Variants in NAAA observed in about 807,000 individuals in gnomAD.
NAAA encodes the protein N-acylethanolamine-hydrolyzing acid amidase.
A neutral mutation model predicts 44.8 loss-of-function variants in NAAA; 39 were observed. That is an observed-to-expected ratio of 0.87 (90% CI 0.67 to 1.14). The LOEUF is 1.14. Ranked by LOEUF, NAAA falls within the 50% of genes most tolerant of loss-of-function variation. The pLI is 0.00. For missense variants in NAAA, 460 were observed against 467.8 expected, an observed-to-expected ratio of 0.98 and a Z score of 0.15; for synonymous variants, 178 against 191.3, an observed-to-expected ratio of 0.93 and a Z score of 0.58.
chr4:75,930,326 C>A, intron 4 of NAAA: 1 of 363,742 alleles, frequency 2.7e-6, no homozygotes. Context: ...GTGGGGATGT[C>A]AATGAACAGA....
rs1201070492 is a variant in NAAA, at chr4:75,940,005, A to G, written c.367T>C (p.Ser123Pro). 6.2e-7 allele frequency: 1 copy of G among 1,613,698 alleles called. No individual in the cohort carries two copies. Among genetic ancestry groups the G allele is most frequent in the Non-Finnish European group, 8.5e-7 (1 of 1,179,950 alleles). The change falls in exon 2 of 11, where the codon TCC (serine) becomes CCC (proline). Residue 123 changes from serine (S) to proline (P), a missense_variant. By Grantham distance (74) the Ser-to-Pro change is moderately conservative. Coordinates refer to ENST00000286733, the MANE Select transcript of NAAA (RefSeq NM_014435.4). ...GCGCGGGCTTGGGGCACTCACACGG[A>G]GGACTCGTAGGCCAGGTTGACCAGA... is the stretch of plus-strand genomic sequence containing the variant. ...CLLVNLAYES[S>P]VFCTSIVAQD...
chr4:75,925,816 C>G lies in NAAA; in HGVS notation c.590-5G>C. ...TCTCCCACCACCAGCCTTTATCTGCCAAGTTGAGTATATATGTTATATATG... is the reference window on the plus strand; with the variant it reads ...TCTCCCACCACCAGCCTTTATCTGCGAAGTTGAGTATATATGTTATATATG... On this transcript the variant is annotated splice_polypyrimidine_tract_variant and splice_region_variant and intron_variant, in intron 4 of 10. Coordinates refer to ENST00000286733, the MANE Select transcript of NAAA (RefSeq NM_014435.4). The G allele has an allele frequency of 6.2e-7, 1 of 1,613,804 alleles. No individual in the cohort carries two copies. Among genetic ancestry groups the G allele is most frequent in the South Asian group, 1.1e-5 (1 of 91,062 alleles).
At chr4:75,933,005 C>T (rs1036484842) in intron 3 of NAAA, among the ~76,000 whole-genome samples, 5 of 151,810 alleles carry the variant, frequency 3.3e-5, no homozygotes, top group African/African-American at 9.7e-5. Flanking sequence ...TGTGGTGGCA[C>T]GCACCTGTGG....
At chr4:75,932,301 G>T (rs1224928176) in intron 3 of NAAA, among the ~76,000 whole-genome samples, 1 of 152,146 alleles carries the variant, frequency 6.6e-6, no homozygotes, top group Non-Finnish European at 1.5e-5. Context: ...TATTTTATAA[G>T]CTCTGTGAAG....
intron 4 of NAAA, among the ~76,000 whole-genome samples, chr4:75,926,945 A>T (rs1214223648): frequency 6.6e-6 from 1 of 151,984 alleles, no homozygotes; most frequent in Admixed American, 6.6e-5. Flanking sequence ...TCAAGGCTGC[A>T]GTGAGCTGTG....
chr4:75,916,962 T>C (rs1725682514), intron 9 of NAAA: 1 of 206,988 alleles, frequency 4.8e-6, no homozygotes, highest in East Asian at 1.9e-4. Flanking sequence ...GTATTTTTAG[T>C]AGAGATGAGG....
Position 75,936,097 on chromosome 4 carries a change from T to A in NAAA, c.498+12A>T, listed in dbSNP as rs1727688638. 6.2e-7 allele frequency: 1 copy of A among 1,613,766 alleles called. No individual in the cohort carries two copies. The highest frequency in any genetic ancestry group is 1.3e-5 in the African/African-American group (1 of 74,918). The stretch of plus-strand genomic sequence containing the variant: ...CTTTCTGATTTTTTATCTTATATGG[T>A]ACGGATTATACCTGCCCATTCTTTA... On this transcript the variant is annotated intron_variant, in intron 3 of 10. Transcript: ENST00000286733.
Position 75,936,173 on chromosome 4 carries a change from T to G in NAAA, c.434A>C (p.Asp145Ala). 1 of 1,613,964 alleles carries G rather than the reference T, an allele frequency of 6.2e-7. No homozygotes were observed. Among genetic ancestry groups the G allele is most frequent in the Non-Finnish European group, 8.5e-7 (1 of 1,179,966 alleles). Residue 145 changes from aspartate (D) to alanine (A), a missense_variant, in exon 3 of 11, where the codon GAT (aspartate) becomes GCT (alanine). Transcript: ENST00000286733. ...RGHIYHGRNL[D>A]YPFGNVLRKL... ...GCGTAAGACATTCCCAAAAGGATAA[T>G]CCAAATTCCGACCATGGTAAATGTG...
intron 4 of NAAA, among the ~76,000 whole-genome samples, chr4:75,926,328 A>G (rs982190023): frequency 1.3e-5 from 2 of 152,128 alleles, no homozygotes; most frequent in African/African-American, 4.8e-5. Flanking sequence ...TGGGAGGCCG[A>G]GGTGGGCGGA....
intron 4 of NAAA, among the ~76,000 whole-genome samples, chr4:75,926,551 ACT>A (rs542744650): frequency 0.034 from 4,261 of 124,314 alleles, 108 homozygotes; most frequent in Middle Eastern, 0.05. Flanking sequence ...ACAGAGAGAG[ACT>A]CTGTCTCAAA....
Position 75,931,260 on chromosome 4 carries a change from C to T in NAAA, c.543G>A (p.Trp181Ter), listed in dbSNP as rs955800988. 2.5e-6 allele frequency: 4 copies of T among 1,612,762 alleles called. No individual in the cohort carries two copies. In the African/African-American group the frequency reaches 5.3e-5, roughly 22 times the overall value. ...TAAACTTGTGTGGGCTCTGGCCAGT[C>T]CATAATCCTACATAGCCAATAAAAG... ...GTTFIGYVGL[W>*]TGQSPHKFTV... The change falls in exon 4 of 11, where the codon TGG becomes TGA. Residue 181 changes from tryptophan (W) to a stop codon, truncating the protein, a stop_gained. Coordinates refer to ENST00000286733, the MANE Select transcript of NAAA (RefSeq NM_014435.4). LOFTEE classifies it high-confidence loss of function.
chr4:75,934,638 T>C (rs183128475), intron 3 of NAAA, among the ~76,000 whole-genome samples: 2 of 152,266 alleles, frequency 1.3e-5, no homozygotes, highest in East Asian at 3.9e-4. Flanking sequence ...AAAATACTTT[T>C]AAGATTACAA....
At chr4:75,935,808 G>C (rs980885372) in intron 3 of NAAA, 23 of 438,234 alleles carry the variant, frequency 5.2e-5, no homozygotes, top group African/African-American at 3.7e-4. Context: ...GCCTGGGCAT[G>C]GGAAAGCAGA....
chr4:75,920,269 T>C (rs913770974), intron 7 of NAAA, among the ~76,000 whole-genome samples: 5 of 152,202 alleles, frequency 3.3e-5, no homozygotes, highest in Non-Finnish European at 7.3e-5. Flanking sequence ...GCAACGTATA[T>C]AGCTACCTGC....
rs1725498369 is a variant in NAAA at position 75,914,799 on chromosome 4, A to G, written c.*36+69T>C. On this transcript the variant is annotated intron_variant, in intron 10 of 10. Coordinates refer to ENST00000286733, the MANE Select transcript of NAAA (RefSeq NM_014435.4). The stretch of plus-strand genomic sequence containing the variant: ...TATATGTATACATTTTAAGGATGTT[A>G]CCACCCTCTGTAAGAAATACCAGCA... 3.7e-5 allele frequency: 42 copies of G among 1,126,858 alleles called. No homozygotes were observed. In the South Asian group the frequency reaches 5.3e-4, roughly 14 times the overall value. 69.8% of individuals were successfully genotyped at this position (1,126,858 alleles called of 1,614,324 possible). A position where few individuals can be genotyped will look rare whatever the true frequency, so the allele number is the denominator to read the frequency against.
At chr4:75,918,885 G>A in intron 8 of NAAA, 96 bp from the exon 9 acceptor site, 1 of 1,206,972 alleles carries the variant, frequency 8.3e-7, no homozygotes, top group South Asian at 1.2e-5. Context: ...GCTCAGGCCT[G>A]TAATCCCAGC....
In NAAA at chr4:75,914,911, C is replaced by G; in HGVS notation, c.1073G>C (p.Arg358Thr). 6.2e-7 allele frequency: 1 copy of G among 1,614,148 alleles called. No homozygotes were observed. The highest frequency in any genetic ancestry group is 8.5e-7 in the Non-Finnish European group (1 of 1,179,996). Residue 358 changes from arginine (R) to threonine (T), a missense_variant, in exon 10 of 11, where the codon AGA (arginine) becomes ACA (threonine). By Grantham distance (71) the Arg-to-Thr change is moderately conservative. Coordinates refer to ENST00000286733, the MANE Select transcript of NAAA (RefSeq NM_014435.4). ...ACTCGCTCTTCTGCTGACTTACTTT[C>G]TACTCGGGTTTCTGATCCTAGTCAT... ...KYMTRIRNPS[R>T]K
intron 9 of NAAA, among the ~76,000 whole-genome samples, chr4:75,915,230 T>G (rs1725529671): frequency 6.6e-6 from 1 of 152,132 alleles, no homozygotes; most frequent in Admixed American, 6.5e-5. Flanking sequence ...GTGCCTGAAA[T>G]CCCAGCTACT....
At chr4:75,940,339 G>C (rs945821895) in intron 1 of NAAA, 174 bp from the exon 2 acceptor site, 1 of 653,354 alleles carries the variant, frequency 1.5e-6, no homozygotes, top group Non-Finnish European at 2.5e-6. Flanking sequence ...CCCGGGAGTG[G>C]GGGGAAGGGG....
Sources: gnomAD v4.1 joint callset for allele counts (sites outside exome capture counted in the v4.1 genomes callset) on GRCh38, gnomAD v4.1.1 for gene constraint, MANE v1.5 for transcripts, NCBI Gene and HGNC (gene_info 2026-07-23, HGNC 2026-07-21) for gene names.